CFAP70: variants seen among roughly 807,000 people sequenced by gnomAD.
CFAP70 encodes the protein cilia- and flagella-associated protein 70.
CFAP70 carries 81 observed loss-of-function variants against 137.6 expected under a neutral mutation model. The ratio of observed to expected loss-of-function variants is 0.59; its 90% CI spans 0.49 to 0.71. The LOEUF is 0.71. CFAP70 is among the 30% of genes least tolerant of loss of function. CFAP70 has a pLI of 0.00. For synonymous variants in CFAP70, 382 were observed against 423.6 expected, an observed-to-expected ratio of 0.90 and a Z score of 1.20; for missense variants, 976 against 1,226.7, an observed-to-expected ratio of 0.80 and a Z score of 3.05.
At chr10:73,352,575 T>C (rs1052980616) in intron 3 of CFAP70, among the ~76,000 whole-genome samples, 1 of 152,176 alleles carries the variant, frequency 6.6e-6, no homozygotes, top group African/African-American at 2.4e-5. Context: ...CCCAAAGAAC[T>C]CACCACTGTG....
At chr10:73,335,448 T>C (rs367862049) in exon 7 of CFAP70, 16 of 1,610,702 alleles carry the variant, frequency 9.9e-6, no homozygotes, top group African/African-American at 1.3e-5. Flanking sequence ...TGCAGAAGGA[T>C]CAAGGTAGCA....
chr10:73,277,541 C>T (rs2046863975), intron 20 of CFAP70, among the ~76,000 whole-genome samples, 180 bp from the exon 22 acceptor site: 1 of 151,996 alleles, frequency 6.6e-6, no homozygotes, highest in Non-Finnish European at 1.5e-5. Flanking sequence ...AGTGAAACCC[C>T]GTCTGCACTA....
At chr10:73,322,736 T>C (rs2050988908) in intron 9 of CFAP70, among the ~76,000 whole-genome samples, 1 of 152,204 alleles carries the variant, frequency 6.6e-6, no homozygotes, top group Non-Finnish European at 1.5e-5. Context: ...TTTTTCTGTG[T>C]TCTCTGTTCA....
intron 19 of CFAP70, among the ~76,000 whole-genome samples, chr10:73,279,439 G>T (rs1192102344): frequency 1.3e-5 from 2 of 151,760 alleles, no homozygotes; most frequent in Non-Finnish European, 2.9e-5. Context: ...CAGGAGAATG[G>T]CGTGAACCCG....
At chr10:73,285,894 G>A (rs578012507) in intron 19 of CFAP70, among the ~76,000 whole-genome samples, 7 of 152,016 alleles carry the variant, frequency 4.6e-5, no homozygotes, top group African/African-American at 9.6e-5. Context: ...CTCAGCCTCC[G>A]AAAGTGCTGG....
intron 10 of CFAP70, 64 bp downstream of exon 11, chr10:73,312,409 G>C: frequency 8.2e-7 from 1 of 1,216,142 alleles, no homozygotes. Context: ...CACCAAGTGA[G>C]AAATCAGTGA....
At chr10:73,265,747 T>C (rs2045692310) in intron 25 of CFAP70, among the ~76,000 whole-genome samples, 1 of 152,340 alleles carries the variant, frequency 6.6e-6, no homozygotes, top group East Asian at 1.9e-4. Context: ...TATTTCTGTC[T>C]GCCAATTGTT....
intron 4 of CFAP70, 100 bp from the exon 6 acceptor site, chr10:73,345,344 A>G: frequency 9.4e-7 from 1 of 1,067,268 alleles, no homozygotes; most frequent in Non-Finnish European, 1.4e-6. Flanking sequence ...CAAGATAAGA[A>G]GGTAAAGCTT....
At position 73,351,035 on chromosome 10, in the gene CFAP70, GTGTGTATATA is replaced by G. The variant is rs1419898675; in HGVS notation, c.250+2511_251-2515del. On this transcript the variant is annotated intron_variant, in intron 3 of 26. Transcript: ENST00000310715. ...TGTGTGTGTATATATATGTGTATATGTGTGTATATATGTGTGTGTGTGTGTGTGTGTGTGT... is the reference window on the plus strand; with the variant it reads ...TGTGTGTGTATATATATGTGTATATGTGTGTGTGTGTGTGTGTGTGTGTGT... Among the ~76,000 whole-genome samples the G allele has an allele frequency of 4.5e-5, 6 of 134,730 alleles. No homozygotes were observed. In the South Asian group the frequency reaches 1.2e-3, roughly 26 times the overall value. The allele number at this position is 134,730 out of a possible 152,430, so 88.4% of individuals were successfully genotyped here.
chr10:73,334,370 G>A (rs2052418849), intron 7 of CFAP70, among the ~76,000 whole-genome samples: 2 of 152,126 alleles, frequency 1.3e-5, no homozygotes, highest in African/African-American at 4.8e-5. Context: ...GTTAAGACAG[G>A]CAGCATGTGT....
intron 8 of CFAP70, among the ~76,000 whole-genome samples, chr10:73,330,403 T>C (rs1233706937): frequency 6.7e-6 from 1 of 150,106 alleles, no homozygotes; most frequent in African/African-American, 2.5e-5. Context: ...TGAGCCAAGA[T>C]TGTGCCACTG....
At position 73,353,522 on chromosome 10, in the gene CFAP70, C is replaced by T. The variant is rs151147297; in HGVS notation, c.250+34G>A. The T allele has an allele frequency of 1.6e-4, 251 of 1,588,752 alleles. 1 individual carries two copies. In the East Asian group the frequency reaches 5.1e-3, roughly 32 times the overall value. On this transcript the variant is annotated intron_variant, in intron 3 of 26. Coordinates refer to ENST00000310715, the Ensembl canonical transcript of CFAP70. Reference sequence around the variant, plus strand: ...CCAACATGATAGGGAAGAAGGCAATCGGGACATTGATTTTTAGAACCACAA... The same window carrying T: ...CCAACATGATAGGGAAGAAGGCAATTGGGACATTGATTTTTAGAACCACAA...
chr10:73,309,479 T>C (rs926018761), intron 12 of CFAP70, among the ~76,000 whole-genome samples: 1 of 152,010 alleles, frequency 6.6e-6, no homozygotes, highest in East Asian at 1.9e-4. Flanking sequence ...TTTTATTTTT[T>C]AATTTTTTAT....
rs1010704369 is a variant in CFAP70 at position 73,293,462 on chromosome 10, C to T, written c.1645-74G>A. ...TAGAGAGGTTTCATAAGCATAAATC[C>T]GATGTGAGATCCAGTTATGACGTCT... is the stretch of plus-strand genomic sequence containing the variant. On this transcript the variant is annotated intron_variant, in intron 15 of 26. Transcript: ENST00000310715. 66 of 1,319,624 alleles carry T rather than the reference C, an allele frequency of 5.0e-5. No individual in the cohort carries two copies. The African/African-American group carries it at 5.6e-4, about 11-fold the overall frequency. 81.7% of individuals were successfully genotyped at this position (1,319,624 alleles called of 1,614,324 possible). A position where few individuals can be genotyped will look rare whatever the true frequency, so the allele number is the denominator to read the frequency against.
chr10:73,262,584 CT>C (rs202039369), intron 25 of CFAP70, among the ~76,000 whole-genome samples: 2 of 152,030 alleles, frequency 1.3e-5, no homozygotes, highest in African/African-American at 4.8e-5. Flanking sequence ...ATGAACTTAT[CT>C]TTTATCCATG....
At chr10:73,284,797 T>C (rs1471958258) in intron 19 of CFAP70, among the ~76,000 whole-genome samples, 20 of 82,008 alleles carry the variant, frequency 2.4e-4, no homozygotes, top group Non-Finnish European at 4.7e-4. Flanking sequence ...TATATATATA[T>C]ATATATAAAA....
chr10:73,274,399 A>G, intron 23 of CFAP70, 34 bp downstream of exon 24: 7 of 1,573,714 alleles, frequency 4.4e-6, no homozygotes, highest in Non-Finnish European at 6.0e-6. Flanking sequence ...TAGTTCCCAG[A>G]CCACGGGGTT....
At chr10:73,316,658 A>G (rs1284733497) in intron 9 of CFAP70, among the ~76,000 whole-genome samples, 1 of 151,770 alleles carries the variant, frequency 6.6e-6, no homozygotes, top group Non-Finnish European at 1.5e-5. Flanking sequence ...TCTATTTCAC[A>G]TCAATACTAA....
chr10:73,305,126 T>C (rs184489142), intron 12 of CFAP70, among the ~76,000 whole-genome samples: 1 of 152,360 alleles, frequency 6.6e-6, no homozygotes, highest in East Asian at 1.9e-4. Context: ...CTCAAATTAC[T>C]GTGTTTGTTC....
Sources: allele counts gnomAD v4.1 joint callset (sites outside exome capture counted in the v4.1 genomes callset), GRCh38; gene constraint gnomAD v4.1.1; transcripts MANE v1.5; gene names NCBI Gene and HGNC (gene_info 2026-07-23, HGNC 2026-07-21).